NUP210L: variants seen among roughly 807,000 people sequenced by gnomAD.
NUP210L encodes nuclear pore membrane glycoprotein 210-like.
Under a neutral mutation model 208.5 loss-of-function variants are expected in NUP210L, and 74 were observed. The observed-to-expected ratio is 0.35, with a 90% CI of 0.29 to 0.43. The LOEUF (loss-of-function observed/expected upper bound fraction) is 0.43, where lower values mean the gene tolerates loss of function less well. Among genes scored for constraint, NUP210L ranks in the 20% least tolerant of loss-of-function variants. The probability of loss-of-function intolerance (pLI) is 1.00; values close to 1 mark genes in which losing one functional copy is unlikely to be tolerated. For missense variants in NUP210L, 1,843 were observed against 2,289.4 expected, an observed-to-expected ratio of 0.81 and a Z score of 3.98; for synonymous variants, 780 against 816.9, an observed-to-expected ratio of 0.95 and a Z score of 0.77.
intron 14 of NUP210L, among the ~76,000 whole-genome samples, chr1:154,097,972 G>A (rs1656254875): frequency 6.6e-6 from 1 of 152,208 alleles, no homozygotes; most frequent in South Asian, 2.1e-4. Context: ...CTGGCAGGCT[G>A]TGCTTGGCTC....
At chr1:154,063,024 G>T (rs1453224085) in intron 17 of NUP210L, among the ~76,000 whole-genome samples, 1 of 152,068 alleles carries the variant, frequency 6.6e-6, no homozygotes, top group Non-Finnish European at 1.5e-5. Flanking sequence ...TTTATTGAGG[G>T]CCTACTACAT....
intron 27 of NUP210L, among the ~76,000 whole-genome samples, chr1:154,041,360 AGTCTCT>A (rs1652867641): frequency 6.6e-6 from 1 of 151,944 alleles, no homozygotes; most frequent in Non-Finnish European, 1.5e-5. Flanking sequence ...TGTGTGACAG[AGTCTCT>A]GTCACTCAGG....
chr1:153,994,959 C>T, intron 38 of NUP210L, 117 bp downstream of exon 38: 1 of 601,828 alleles, frequency 1.7e-6, no homozygotes. Flanking sequence ...TTGCTGTAAG[C>T]CAAGATTGCG....
At chr1:154,141,722 C>A (rs1658860070) in intron 3 of NUP210L, among the ~76,000 whole-genome samples, 198 bp from the exon 4 acceptor site, 1 of 152,128 alleles carries the variant, frequency 6.6e-6, no homozygotes, top group East Asian at 1.9e-4. Flanking sequence ...TGTTGCTGCA[C>A]AAGCTGTCTG....
At chr1:154,061,148 C>G (rs1654114564) in intron 18 of NUP210L, 102 bp from the exon 19 acceptor site, 1 of 735,550 alleles carries the variant, frequency 1.4e-6, no homozygotes, top group Admixed American at 2.4e-5. Flanking sequence ...GAGGGTAAGG[C>G]AGGCAGATCA....
At chr1:154,152,154 T>G (rs1659425235) in intron 2 of NUP210L, among the ~76,000 whole-genome samples, 1 of 144,528 alleles carries the variant, frequency 6.9e-6, no homozygotes, top group African/African-American at 2.7e-5. Flanking sequence ...ACTCTTCATT[T>G]TTATTTTATT....
chr1:154,002,220 C>A (rs1338858072), intron 35 of NUP210L, among the ~76,000 whole-genome samples: 1 of 152,066 alleles, frequency 6.6e-6, no homozygotes, highest in Non-Finnish European at 1.5e-5. Context: ...GAATACCATT[C>A]TTTCTTTTTT....
At chr1:154,054,896 G>C (rs558535359) in intron 23 of NUP210L, 64 bp from the exon 24 acceptor site, 1 of 1,199,434 alleles carries the variant, frequency 8.3e-7, no homozygotes, top group Admixed American at 1.9e-5. Context: ...ACATATCATG[G>C]TCATTTAAAT....
exon 21 of NUP210L, chr1:154,058,673 T>C (rs1489705439): frequency 6.2e-7 from 1 of 1,613,436 alleles, no homozygotes; most frequent in African/African-American, 1.3e-5. Flanking sequence ...AGGTAAAAAA[T>C]CCAGGATGTA....
At chr1:154,022,826 C>A (rs915036533) in intron 31 of NUP210L, among the ~76,000 whole-genome samples, 1 of 151,052 alleles carries the variant, frequency 6.6e-6, no homozygotes, top group African/African-American at 2.4e-5. Context: ...TACAGGCACA[C>A]GCTACCACAC....
chr1:154,127,123 A>C (rs1023563879), intron 9 of NUP210L, among the ~76,000 whole-genome samples, 188 bp downstream of exon 9: 2 of 151,472 alleles, frequency 1.3e-5, no homozygotes, highest in Non-Finnish European at 2.9e-5. Flanking sequence ...AAAAAAAAAA[A>C]AGAAGAAAAA....
chr1:153,994,119 ATCC>A (rs1215454824), intron 38 of NUP210L, among the ~76,000 whole-genome samples: 1 of 152,092 alleles, frequency 6.6e-6, no homozygotes, highest in Non-Finnish European at 1.5e-5. Context: ...GACTCAAGCC[ATCC>A]TCCCACTTTG....
intron 16 of NUP210L, among the ~76,000 whole-genome samples, chr1:154,071,485 C>CTT (rs1654727042): frequency 6.6e-6 from 1 of 151,568 alleles, no homozygotes. Flanking sequence ...TTGTGCCATT[C>CTT]TTTTGCCTTT....
At chr1:154,052,033 T>C (rs1044323856) in intron 25 of NUP210L, among the ~76,000 whole-genome samples, 1 of 152,254 alleles carries the variant, frequency 6.6e-6, no homozygotes, top group African/African-American at 2.4e-5. Context: ...AAACAGGGAC[T>C]ACGGGACCCC....
intron 27 of NUP210L, 97 bp from the exon 28 acceptor site, chr1:154,030,151 T>A: frequency 1.2e-6 from 1 of 851,704 alleles, no homozygotes; most frequent in South Asian, 2.8e-5. Context: ...TTTTTTAAAT[T>A]AAAAATAAAA....
At chr1:154,120,736 G>T (rs1294353311) in intron 10 of NUP210L, among the ~76,000 whole-genome samples, 1 of 150,610 alleles carries the variant, frequency 6.6e-6, no homozygotes, top group African/African-American at 2.4e-5. Flanking sequence ...TCTACCTAAA[G>T]ATACAAAAAA....
chr1:154,128,760 T>C (rs1245183604), intron 8 of NUP210L, among the ~76,000 whole-genome samples: 1 of 151,718 alleles, frequency 6.6e-6, no homozygotes, highest in Non-Finnish European at 1.5e-5. Flanking sequence ...GGTGTGAAGA[T>C]TGCTTGAGCC....
intron 27 of NUP210L, among the ~76,000 whole-genome samples, chr1:154,039,483 G>A (rs1652744800): frequency 6.6e-6 from 1 of 152,012 alleles, no homozygotes; most frequent in Non-Finnish European, 1.5e-5. Context: ...CAATCCACCT[G>A]CCTCGGCCTC....
intron 20 of NUP210L, among the ~76,000 whole-genome samples, chr1:154,059,239 G>A (rs534994481): frequency 1.3e-5 from 2 of 152,222 alleles, no homozygotes; most frequent in Admixed American, 6.5e-5. Flanking sequence ...TCAGGAGGCT[G>A]AGGGAGGATC....
Sources: allele counts gnomAD v4.1 joint callset (sites outside exome capture counted in the v4.1 genomes callset), GRCh38; gene constraint gnomAD v4.1.1; transcripts MANE v1.5; gene names NCBI Gene and HGNC (gene_info 2026-07-23, HGNC 2026-07-21).